PATZ1: variants seen among roughly 807,000 people sequenced by gnomAD.
The protein encoded by PATZ1 is POZ-, AT hook-, and zinc finger-containing protein 1.
In PATZ1, 9 loss-of-function variants were observed where a neutral mutation model predicts 46.2. That is an observed-to-expected ratio of 0.19 (90% CI 0.12 to 0.34). The LOEUF is 0.34. Among genes scored for constraint, PATZ1 ranks in the 10% least tolerant of loss-of-function variants. The pLI is 1.00. For synonymous variants in PATZ1, 426 were observed against 378.6 expected, an observed-to-expected ratio of 1.13 and a Z score of -1.45; for missense variants, 632 against 923.0, an observed-to-expected ratio of 0.68 and a Z score of 4.08.
chr22:31,344,341 C>A lies in PATZ1; in HGVS notation c.1262G>T (p.Gly421Val). ...KPYICQSCGKGFSRPDHLNGH... is the reference protein window; with the variant it reads ...KPYICQSCGKVFSRPDHLNGH... ...GGGGGCCTTTCCTCACCTGGAGAAG[C>A]CTTTCCCACAGCTCTGGCAGATGTA... Residue 421 changes from glycine (G) to valine (V), a missense_variant, in exon 1 of 5, where the codon GGC becomes GTC. By Grantham distance (109) the Gly-to-Val change is moderately radical. Coordinates refer to ENST00000266269, the MANE Select transcript of PATZ1 (RefSeq NM_014323.3). 1 of 1,603,758 alleles carries A rather than the reference C, an allele frequency of 6.2e-7. No homozygotes were observed. The highest frequency in any genetic ancestry group is 8.5e-7 in the Non-Finnish European group (1 of 1,174,352).
In PATZ1 at chr22:31,326,166, A is replaced by G. The variant is rs2049368596; in HGVS notation, c.*725T>C. The G allele has an allele frequency of 4.5e-6, 1 of 222,146 alleles. No homozygotes were observed. The highest frequency in any genetic ancestry group is 9.0e-6 in the Non-Finnish European group (1 of 110,776). The allele number at this position is 222,146 out of a possible 1,614,324, so 13.8% of individuals were successfully genotyped here. ...AATTCACTACAACTGGTCCTAAAAA[A>G]TAATAACAATAATAATAATAATTAG... On this transcript the variant is annotated 3_prime_UTR_variant, in exon 5 of 5. Transcript: ENST00000266269.
intron 2 of PATZ1, chr22:31,338,130 TA>T (rs1320222312): frequency 6.6e-6 from 1 of 152,534 alleles, no homozygotes; most frequent in African/African-American, 2.4e-5. Context: ...AAGACTCAGC[TA>T]CTAAAGAAAG....
At chr22:31,335,515 G>T in intron 3 of PATZ1, 177 bp downstream of exon 3, 1 of 594,806 alleles carries the variant, frequency 1.7e-6, no homozygotes, top group Non-Finnish European at 2.9e-6. Flanking sequence ...CAAGCTTCTT[G>T]GGAAGGAAGA....
At chr22:31,341,793 T>A in intron 2 of PATZ1, 1 of 874,134 alleles carries the variant, frequency 1.1e-6, no homozygotes, top group East Asian at 2.6e-5. Flanking sequence ...ACTACCTGAG[T>A]CAGAATGTGC....
In PATZ1 at chr22:31,344,999, T is replaced by A; in HGVS notation, c.604A>T (p.Ile202Phe). Residue 202 changes from isoleucine (I) to phenylalanine (F), a missense_variant, in exon 1 of 5, where the codon ATC becomes TTC. Transcript: ENST00000266269. ...TCCTCTGGCTGCATGCTGCCGGCGA[T>A]GCCATTGCTGTTGGCTGCCAAGGCT... ...GAALAANSNG[I>F]AGSMQPEEEA... 1 of 1,614,040 alleles carries A rather than the reference T, an allele frequency of 6.2e-7. No homozygotes were observed. Among genetic ancestry groups the A allele is most frequent in the Non-Finnish European group, 8.5e-7 (1 of 1,180,032 alleles).
chr22:31,328,722 C>A lies in PATZ1; in HGVS notation c.1645+65G>T. 1 of 1,527,958 alleles carries A rather than the reference C, an allele frequency of 6.5e-7. No individual in the cohort carries two copies. Among genetic ancestry groups the A allele is most frequent in the African/African-American group, 1.4e-5 (1 of 73,260 alleles). 94.7% of individuals were successfully genotyped at this position (1,527,958 alleles called of 1,614,324 possible). On this transcript the variant is annotated intron_variant, in intron 4 of 4. Coordinates refer to ENST00000266269, the MANE Select transcript of PATZ1 (RefSeq NM_014323.3). The surrounding 1 kb of genome is among the most constrained non-coding windows in gnomAD (Gnocchi z 4.8). ...GGCAGCCTTCCCGCCTCCCCACGCCCAGCCCAGCGCCCCCACAACACAGTC... is the reference window on the plus strand; with the variant it reads ...GGCAGCCTTCCCGCCTCCCCACGCCAAGCCCAGCGCCCCCACAACACAGTC...
At position 31,345,773 on chromosome 22, in the gene PATZ1, G is replaced by A. The variant is rs1601501700; in HGVS notation, c.-171C>T. 7.4e-5 allele frequency: 46 copies of A among 620,862 alleles called. No individual in the cohort carries two copies. In the East Asian group the frequency reaches 1.4e-3, roughly 18 times the overall value. The allele number at this position is 620,862 out of a possible 1,614,324, so 38.5% of individuals were successfully genotyped here. A position where few individuals can be genotyped will look rare whatever the true frequency, so the allele number is the denominator to read the frequency against. ...GTGTACACGCCCCCAGCCCGGATCA[G>A]ACTGTCTAGACTGCGGGGTGCACCA... On this transcript the variant is annotated 5_prime_UTR_variant, in exon 1 of 5. Coordinates refer to ENST00000266269, the MANE Select transcript of PATZ1 (RefSeq NM_014323.3). The surrounding 1 kb of genome is among the most constrained non-coding windows in gnomAD (Gnocchi z 7.4).
At chr22:31,343,335 G>A (rs1364109225) in intron 1 of PATZ1, 3 of 999,930 alleles carry the variant, frequency 3.0e-6, no homozygotes, top group Non-Finnish European at 3.6e-6. Context: ...CCAGACTAAA[G>A]CCCCTTAGAA....
intron 2 of PATZ1, among the ~76,000 whole-genome samples, chr22:31,342,542 C>G (rs971422877): frequency 2.6e-4 from 40 of 152,090 alleles, no homozygotes; most frequent in African/African-American, 9.7e-4. Context: ...TGGAAACCAA[C>G]AGTCAGGCCC....
In PATZ1 at chr22:31,341,323, A is replaced by AGCC. The variant is rs1433268309; in HGVS notation, c.1335+1571_1335+1573dup. On this transcript the variant is annotated intron_variant, in intron 2 of 4. Transcript: ENST00000266269. ...CATGCTGGGCAGGAACCACCCTGCT[A>AGCC]GCCTCTCCCAAAAGCAGGGGTCTCA... 5 of 1,496,130 alleles carry AGCC rather than the reference A, an allele frequency of 3.3e-6. No homozygotes were observed. In the African/African-American group the frequency reaches 7.0e-5, roughly 21 times the overall value. The allele number at this position is 1,496,130 out of a possible 1,614,324, so 92.7% of individuals were successfully genotyped here.
At chr22:31,336,494 A>C (rs566600319) in intron 2 of PATZ1, among the ~76,000 whole-genome samples, 1 of 152,256 alleles carries the variant, frequency 6.6e-6, no homozygotes, top group South Asian at 2.1e-4. Context: ...AGCAGACAGC[A>C]AGGGCCAGAG....
At chr22:31,341,632 C>T (rs749224350) in intron 2 of PATZ1, 11 of 1,613,872 alleles carry the variant, frequency 6.8e-6, no homozygotes, top group Admixed American at 1.7e-5. Flanking sequence ...GATGGCAGGT[C>T]GCTAGGAAGA....
At chr22:31,333,965 T>C (rs1469911750) in intron 3 of PATZ1, among the ~76,000 whole-genome samples, 1 of 152,194 alleles carries the variant, frequency 6.6e-6, no homozygotes, top group Non-Finnish European at 1.5e-5. Context: ...GTTTCTGCCC[T>C]ACTCCACCAT....
Position 31,328,305 on chromosome 22 carries a change from C to T in PATZ1, c.1645+482G>A, listed in dbSNP as rs2049392455. Among the ~76,000 whole-genome samples, 1 of 152,208 alleles carries T rather than the reference C, an allele frequency of 6.6e-6. No homozygotes were observed. The highest frequency in any genetic ancestry group is 6.5e-5 in the Admixed American group (1 of 15,288). On this transcript the variant is annotated intron_variant, in intron 4 of 4. Coordinates refer to ENST00000266269, the MANE Select transcript of PATZ1 (RefSeq NM_014323.3). The surrounding 1 kb of genome is among the most constrained non-coding windows in gnomAD (Gnocchi z 4.8). ...CATCTCACAACCATAGCCAGAGGCT[C>T]TCCAGAAAGGGCCACTCACAGTAAC...
In PATZ1 at chr22:31,345,910, G is replaced by C; in HGVS notation, c.-308C>G. The C allele has an allele frequency of 3.0e-6, 1 of 332,218 alleles. No individual in the cohort carries two copies. Among genetic ancestry groups the C allele is most frequent in the South Asian group, 1.3e-4 (1 of 7,516 alleles). 20.6% of individuals were successfully genotyped at this position (332,218 alleles called of 1,614,324 possible). ...TCCGGGGGGGTGCGCGAGCGAAGAG[G>C]TGCGCCCCTCCTGCAAACGCGCCTG... is the stretch of plus-strand genomic sequence containing the variant. On this transcript the variant is annotated 5_prime_UTR_variant, in exon 1 of 5. Coordinates refer to ENST00000266269, the MANE Select transcript of PATZ1 (RefSeq NM_014323.3). The surrounding 1 kb of genome is among the most constrained non-coding windows in gnomAD (Gnocchi z 7.4).
rs142566960 is a variant in PATZ1, at chr22:31,342,854, C to T, written c.1335+43G>A. ...CTCAAGGCTGCGACCGTGAGAACAG[C>T]ATCATCTCCTTCAGCCCATCTCTGC... On this transcript the variant is annotated intron_variant, in intron 2 of 4. Transcript: ENST00000266269. The T allele has an allele frequency of 1.8e-4, 283 of 1,609,144 alleles. No individual in the cohort carries two copies. In the East Asian group the frequency reaches 5.8e-3, roughly 33 times the overall value.
At chr22:31,343,940 G>A (rs1359280395) in intron 1 of PATZ1, among the ~76,000 whole-genome samples, 1 of 152,100 alleles carries the variant, frequency 6.6e-6, no homozygotes, top group East Asian at 1.9e-4. Flanking sequence ...ACTTGTTCCA[G>A]TACCTCCCTC....
Position 31,335,036 on chromosome 22 carries a change from G to A in PATZ1, c.1507+656C>T, listed in dbSNP as rs549175385. Among the ~76,000 whole-genome samples, 28 of 152,208 alleles carry A rather than the reference G, an allele frequency of 1.8e-4. No homozygotes were observed. In the South Asian group the frequency reaches 4.8e-3, roughly 26 times the overall value. Reference sequence around the variant, plus strand: ...GCACTTCCAACAGCCAACTAGACCCGGCAGAACCTTGGGGACAGGCTTGAC... The same window carrying A: ...GCACTTCCAACAGCCAACTAGACCCAGCAGAACCTTGGGGACAGGCTTGAC... On this transcript the variant is annotated intron_variant, in intron 3 of 4. Coordinates refer to ENST00000266269, the MANE Select transcript of PATZ1 (RefSeq NM_014323.3).
intron 2 of PATZ1, chr22:31,341,516 G>A (rs138328013): frequency 6.2e-7 from 1 of 1,614,060 alleles, no homozygotes; most frequent in Non-Finnish European, 8.5e-7. Flanking sequence ...AGTGTGCTGG[G>A]CCCAGGTTTT....
Sources: allele counts gnomAD v4.1 joint callset (sites outside exome capture counted in the v4.1 genomes callset), GRCh38; gene constraint gnomAD v4.1.1; non-coding constraint Gnocchi (gnomAD v3.1); transcripts MANE v1.5; gene names NCBI Gene and HGNC (gene_info 2026-07-23, HGNC 2026-07-21).